The following RAP1GDS1 variants were observed in gnomAD, a reference collection of about 807,000 sequenced individuals.
RAP1GDS1 encodes the protein RAP1, GTP-GDP dissociation stimulator 1.
Under a neutral mutation model 71.1 loss-of-function variants are expected in RAP1GDS1, and 35 were observed. That is an observed-to-expected ratio of 0.49 (90% CI 0.38 to 0.65). The LOEUF is 0.65. Ranked by LOEUF, RAP1GDS1 falls within the 30% of genes least tolerant of loss-of-function variation. The probability of loss-of-function intolerance (pLI) is 0.00; values close to 1 mark genes in which losing one functional copy is unlikely to be tolerated. For synonymous variants in RAP1GDS1, 229 were observed against 243.1 expected (o/e 0.94, Z 0.54); for missense variants, 663 against 706.1 (o/e 0.94, Z 0.69).
At chr4:98,377,989 AATTT>A (rs1313516537) in intron 4 of RAP1GDS1, among the ~76,000 whole-genome samples, 2 of 151,886 alleles carry the variant, frequency 1.3e-5, no homozygotes, top group African/African-American at 4.8e-5. Flanking sequence ...ATATTTTGTT[AATTT>A]ATTGATTTGC....
rs1739883654 is a variant in RAP1GDS1, at chr4:98,368,578, A to AT, written c.362-10433dup. 3.9e-5 allele frequency among the ~76,000 whole-genome samples: 6 copies of AT among 152,268 alleles called. No individual in the cohort carries two copies. In the South Asian group the frequency reaches 1.2e-3, roughly 32 times the overall value. On this transcript the variant is annotated intron_variant, in intron 4 of 14. Transcript: ENST00000408927. ...ACCAAGCCTCCAGGTAAAATATTTAATTTTTTATGAGTGAGATCAATTGCA... is the reference window on the plus strand; with the variant it reads ...ACCAAGCCTCCAGGTAAAATATTTAATTTTTTTATGAGTGAGATCAATTGCA...
chr4:98,358,378 G>T (rs563699213), intron 4 of RAP1GDS1, among the ~76,000 whole-genome samples: 1 of 152,038 alleles, frequency 6.6e-6, no homozygotes, highest in Non-Finnish European at 1.5e-5. Context: ...TTTACAGAAG[G>T]TAGTTTTATT....
chr4:98,394,244 G>C (rs573093746), intron 6 of RAP1GDS1, among the ~76,000 whole-genome samples: 2 of 152,252 alleles, frequency 1.3e-5, no homozygotes, highest in South Asian at 2.1e-4. Context: ...ATTAGGAACT[G>C]TGCAGAACTC....
chr4:98,381,143 C>CT (rs1489396576), intron 5 of RAP1GDS1, among the ~76,000 whole-genome samples: 1 of 151,604 alleles, frequency 6.6e-6, no homozygotes, highest in African/African-American at 2.4e-5. Flanking sequence ...CAAGAAATAA[C>CT]TTAGAGACTT....
intron 4 of RAP1GDS1, among the ~76,000 whole-genome samples, chr4:98,358,743 A>C (rs1738298926): frequency 6.6e-6 from 1 of 152,042 alleles, no homozygotes; most frequent in South Asian, 2.1e-4. Flanking sequence ...CCATACACAT[A>C]CACTAATGCA....
At chr4:98,411,549 A>G (rs1347493114) in intron 7 of RAP1GDS1, among the ~76,000 whole-genome samples, 2 of 152,226 alleles carry the variant, frequency 1.3e-5, no homozygotes, top group Non-Finnish European at 2.9e-5. Context: ...TTTGTTTTTT[A>G]TCTCATTGGT....
At chr4:98,413,863 A>T (rs1434972540) in intron 7 of RAP1GDS1, among the ~76,000 whole-genome samples, 4 of 151,146 alleles carry the variant, frequency 2.6e-5, no homozygotes, top group Non-Finnish European at 5.9e-5. Flanking sequence ...CTATTTCTCC[A>T]CATCCTCTCC....
At chr4:98,283,619 C>T (rs1463921578) in intron 1 of RAP1GDS1, among the ~76,000 whole-genome samples, 2 of 152,030 alleles carry the variant, frequency 1.3e-5, no homozygotes, top group Non-Finnish European at 2.9e-5. Flanking sequence ...ATTAAGAGGA[C>T]AGATTATATT....
chr4:98,334,408 A>C (rs1198220355), intron 2 of RAP1GDS1, among the ~76,000 whole-genome samples: 4 of 152,192 alleles, frequency 2.6e-5, no homozygotes, highest in African/African-American at 9.6e-5. Flanking sequence ...GACTGGCTGA[A>C]TTGTATGAGA....
At chr4:98,422,124 C>T (rs1340511485) in intron 12 of RAP1GDS1, among the ~76,000 whole-genome samples, 4 of 151,942 alleles carry the variant, frequency 2.6e-5, no homozygotes, top group South Asian at 4.2e-4. Context: ...GGCGTGAACC[C>T]GGGAGGCGGA....
At chr4:98,323,839 AG>A (rs1732429513) in intron 2 of RAP1GDS1, among the ~76,000 whole-genome samples, 1 of 149,574 alleles carries the variant, frequency 6.7e-6, no homozygotes, top group Non-Finnish European at 1.5e-5. Context: ...AAAAACTGGA[AG>A]CATTCCCTTT....
rs56015226 is a variant in RAP1GDS1 at position 98,269,173 on chromosome 4, CAAAAA to C, written c.4+7622_4+7626del. 9.1e-4 allele frequency among the ~76,000 whole-genome samples: 52 copies of C among 56,880 alleles called. 1 individual carries two copies. The highest frequency in any genetic ancestry group is 7.6e-3 in the South Asian group (10 of 1,320). 37.3% of individuals were successfully genotyped at this position (56,880 alleles called of 152,430 possible). A position where few individuals can be genotyped will look rare whatever the true frequency, so the allele number is the denominator to read the frequency against. On this transcript the variant is annotated intron_variant, in intron 1 of 14. Coordinates refer to ENST00000408927, the MANE Select transcript of RAP1GDS1 (RefSeq NM_001100427.2). ...CAAGAATTTACAGTCAATTGATCTT[CAAAAA>C]AAAAAAAAAAAAAAAAAGCCAAGGA...
intron 7 of RAP1GDS1, among the ~76,000 whole-genome samples, chr4:98,415,188 C>A (rs911352061): frequency 6.6e-6 from 1 of 152,168 alleles, no homozygotes; most frequent in East Asian, 1.9e-4. Context: ...TTCTGCCTGA[C>A]CCTGCAGGCA....
chr4:98,440,536 A>G (rs904022438), intron 14 of RAP1GDS1, among the ~76,000 whole-genome samples: 4 of 152,198 alleles, frequency 2.6e-5, no homozygotes, highest in African/African-American at 9.6e-5. Flanking sequence ...GTAATGGCCA[A>G]ACTAATGAGT....
intron 5 of RAP1GDS1, among the ~76,000 whole-genome samples, chr4:98,391,695 A>AATG (rs1009545065): frequency 2.0e-5 from 3 of 152,130 alleles, no homozygotes; most frequent in African/African-American, 7.2e-5. Flanking sequence ...TTAGAAAACT[A>AATG]ATGATTTGAT....
intron 7 of RAP1GDS1, among the ~76,000 whole-genome samples, chr4:98,410,401 A>G (rs967835015): frequency 6.6e-6 from 1 of 152,344 alleles, no homozygotes; most frequent in East Asian, 1.9e-4. Context: ...GGAAAGTCTC[A>G]TAAACCAACT....
chr4:98,413,654 A>G (rs1395138334), intron 7 of RAP1GDS1, among the ~76,000 whole-genome samples: 2 of 151,728 alleles, frequency 1.3e-5, no homozygotes, highest in South Asian at 2.1e-4. Flanking sequence ...AGTCTTTGCT[A>G]TTGTGAATAA....
intron 7 of RAP1GDS1, among the ~76,000 whole-genome samples, chr4:98,405,562 A>G (rs1745996506): frequency 6.6e-6 from 1 of 152,102 alleles, no homozygotes; most frequent in South Asian, 2.1e-4. Flanking sequence ...CAATATTTGA[A>G]GAAATTTTGG....
At chr4:98,308,329 A>ATATG (rs1553966915) in intron 2 of RAP1GDS1, among the ~76,000 whole-genome samples, 2 of 138,034 alleles carry the variant, frequency 1.4e-5, no homozygotes, top group Non-Finnish European at 3.1e-5. Context: ...ATATATATAT[A>ATATG]TATGCGCCAG....
Sources: gnomAD v4.1 joint callset for allele counts (sites outside exome capture counted in the v4.1 genomes callset) on GRCh38, gnomAD v4.1.1 for gene constraint, MANE v1.5 for transcripts, NCBI Gene and HGNC (gene_info 2026-07-23, HGNC 2026-07-21) for gene names.